The following CLEC16A variants were observed in gnomAD, a reference collection of about 807,000 sequenced individuals.
The protein encoded by CLEC16A is protein CLEC16A.
Under a neutral mutation model 109.5 loss-of-function variants are expected in CLEC16A, and 51 were observed. The ratio of observed to expected loss-of-function variants is 0.47; its 90% CI spans 0.37 to 0.59. The LOEUF (loss-of-function observed/expected upper bound fraction) is 0.59, where lower values mean the gene tolerates loss of function less well. Ranked by LOEUF, CLEC16A falls within the 20% of genes least tolerant of loss-of-function variation. The pLI, the probability that CLEC16A is intolerant of heterozygous loss-of-function variation, is 0.00. For missense variants in CLEC16A, 1,339 were observed against 1,394.0 expected, an observed-to-expected ratio of 0.96 and a Z score of 0.63; for synonymous variants, 673 against 564.2, an observed-to-expected ratio of 1.19 and a Z score of -2.73.
At chr16:11,009,531 A>G (rs1033462955) in intron 11 of CLEC16A, among the ~76,000 whole-genome samples, 6 of 152,224 alleles carry the variant, frequency 3.9e-5, no homozygotes, top group Non-Finnish European at 5.9e-5. Flanking sequence ...TTGCAGCCTC[A>G]TGAGCTGTGG....
At chr16:11,058,825 A>G (rs1210868209) in intron 18 of CLEC16A, among the ~76,000 whole-genome samples, 3 of 152,186 alleles carry the variant, frequency 2.0e-5, no homozygotes, top group Non-Finnish European at 4.4e-5. Context: ...TTTGCCTTCA[A>G]AACCCCAAGA....
chr16:10,966,085 G>A (rs1720089981), intron 3 of CLEC16A, among the ~76,000 whole-genome samples: 1 of 152,152 alleles, frequency 6.6e-6, no homozygotes, highest in Non-Finnish European at 1.5e-5. Flanking sequence ...GACACAGAAA[G>A]AAAAAGAAGT....
intron 22 of CLEC16A, among the ~76,000 whole-genome samples, chr16:11,163,149 T>A (rs2054785834): frequency 6.6e-6 from 1 of 152,206 alleles, no homozygotes; most frequent in Non-Finnish European, 1.5e-5. Context: ...ACTGCCTGAC[T>A]GGGATGAAGC....
chr16:11,138,565 G>A (rs2053676093), intron 22 of CLEC16A, among the ~76,000 whole-genome samples: 1 of 152,222 alleles, frequency 6.6e-6, no homozygotes, highest in Non-Finnish European at 1.5e-5. Context: ...TTCACTGCAT[G>A]CTCACAGCTG....
intron 11 of CLEC16A, among the ~76,000 whole-genome samples, chr16:11,010,050 G>A (rs1351122965): frequency 6.6e-6 from 1 of 152,176 alleles, no homozygotes; most frequent in Non-Finnish European, 1.5e-5. Flanking sequence ...CTACTCTGGA[G>A]GCTGAGGTGG....
chr16:11,153,765 T>A (rs1041084833), intron 22 of CLEC16A, among the ~76,000 whole-genome samples: 2 of 152,058 alleles, frequency 1.3e-5, no homozygotes, highest in African/African-American at 4.8e-5. Context: ...AAATCAATAC[T>A]TTTATGATGA....
intron 22 of CLEC16A, among the ~76,000 whole-genome samples, chr16:11,144,289 G>C (rs571363470): frequency 3.0e-4 from 46 of 152,356 alleles, no homozygotes; most frequent in African/African-American, 9.9e-4. Flanking sequence ...CAGCTGGACA[G>C]CGGCCTCAGT....
intron 19 of CLEC16A, among the ~76,000 whole-genome samples, chr16:11,093,285 G>GTTGGGACATTTGGAGAA (rs1241809220): frequency 1.3e-5 from 2 of 152,256 alleles, no homozygotes; most frequent in Admixed American, 6.5e-5. Context: ...GGGCCCTGGA[G>GTTGGGACATTTGGAGAA]TTGGGACATT....
At chr16:10,972,245 G>C (rs914227090) in intron 5 of CLEC16A, among the ~76,000 whole-genome samples, 71 of 152,250 alleles carry the variant, frequency 4.7e-4, no homozygotes, top group Non-Finnish European at 1.8e-4. Context: ...GGGGGGGTCA[G>C]CTGGCACAGA....
At chr16:11,001,803 G>A (rs749441671) in intron 10 of CLEC16A, among the ~76,000 whole-genome samples, 100 of 152,008 alleles carry the variant, frequency 6.6e-4, no homozygotes, top group African/African-American at 2.3e-3. Context: ...CACCACACCC[G>A]GCCATCTCTG....
chr16:11,032,806 G>A (rs2046819278), intron 13 of CLEC16A, among the ~76,000 whole-genome samples: 1 of 152,228 alleles, frequency 6.6e-6, no homozygotes, highest in African/African-American at 2.4e-5. Flanking sequence ...GGGCCAAGGT[G>A]AGGCTGGCCA....
intron 22 of CLEC16A, among the ~76,000 whole-genome samples, chr16:11,147,270 G>A (rs1002010718): frequency 6.6e-6 from 1 of 152,180 alleles, no homozygotes; most frequent in Non-Finnish European, 1.5e-5. Flanking sequence ...CCCCAGTCCT[G>A]TATCCCAGGT....
intron 19 of CLEC16A, among the ~76,000 whole-genome samples, chr16:11,097,123 A>C (rs920464387): frequency 2.0e-5 from 3 of 152,112 alleles, no homozygotes; most frequent in African/African-American, 7.2e-5. Flanking sequence ...CTGAATCTCT[A>C]CACCCAACCA....
intron 10 of CLEC16A, among the ~76,000 whole-genome samples, chr16:10,997,972 C>G (rs895037340): frequency 1.3e-5 from 2 of 152,198 alleles, no homozygotes; most frequent in African/African-American, 4.8e-5. Context: ...GTTTGTTTGA[C>G]ATCTGTCTTC....
intron 13 of CLEC16A, among the ~76,000 whole-genome samples, chr16:11,030,374 T>G (rs111230155): frequency 0.013 from 1,934 of 152,352 alleles, 55 homozygotes; most frequent in African/African-American, 0.044. Context: ...CTATATAATT[T>G]TATATCCCAT....
At chr16:11,122,321 C>T (rs554552252) in intron 20 of CLEC16A, among the ~76,000 whole-genome samples, 1 of 152,338 alleles carries the variant, frequency 6.6e-6, no homozygotes, top group East Asian at 1.9e-4. Flanking sequence ...AAGAAACACT[C>T]CATGTAAGAC....
At chr16:11,027,272 T>C in intron 13 of CLEC16A, 2 of 1,547,562 alleles carry the variant, frequency 1.3e-6, no homozygotes, top group East Asian at 2.2e-5. Context: ...AATTGCCAGA[T>C]AAACATTCCT....
intron 3 of CLEC16A, among the ~76,000 whole-genome samples, chr16:10,967,167 G>A (rs1467543693): frequency 2.0e-5 from 3 of 152,166 alleles, no homozygotes; most frequent in South Asian, 2.1e-4. Flanking sequence ...TGGCTTTCCC[G>A]GAGAACTGAC....
At chr16:11,011,706 T>C (rs981296529) in intron 11 of CLEC16A, among the ~76,000 whole-genome samples, 2 of 152,220 alleles carry the variant, frequency 1.3e-5, no homozygotes, top group African/African-American at 4.8e-5. Context: ...AATCTATGTA[T>C]GTACATATAC....
Sources: gnomAD v4.1 joint callset for allele counts (sites outside exome capture counted in the v4.1 genomes callset) on GRCh38, gnomAD v4.1.1 for gene constraint, MANE v1.5 for transcripts, NCBI Gene and HGNC (gene_info 2026-07-23, HGNC 2026-07-21) for gene names.